Variants in FHIP1A observed in about 807,000 individuals in gnomAD.
FHIP1A encodes FHF complex subunit HOOK-interacting protein 1A.
Under a neutral mutation model 88.6 loss-of-function variants are expected in FHIP1A, and 61 were observed. The observed-to-expected ratio is 0.69, with a 90% confidence interval of 0.56 to 0.85. The LOEUF (loss-of-function observed/expected upper bound fraction) is 0.85. Among genes scored for constraint, FHIP1A ranks in the 40% least tolerant of loss-of-function variants. The probability of loss-of-function intolerance (pLI) is 0.00; values close to 1 mark genes in which losing one functional copy is unlikely to be tolerated. For missense variants in FHIP1A, 1,154 were observed against 1,273.5 expected, an observed-to-expected ratio of 0.91 and a Z score of 1.43; for synonymous variants, 478 against 496.0, an observed-to-expected ratio of 0.96 and a Z score of 0.48.
At chr4:151,459,332 A>G (rs1294131577) in intron 2 of FHIP1A, among the ~76,000 whole-genome samples, 2 of 152,226 alleles carry the variant, frequency 1.3e-5, no homozygotes, top group Non-Finnish European at 2.9e-5. Flanking sequence ...TTTTAAATAG[A>G]TACTGAAGGA....
chr4:151,509,512 C>T (rs778865799), intron 3 of FHIP1A, among the ~76,000 whole-genome samples: 1 of 152,128 alleles, frequency 6.6e-6, no homozygotes, highest in Non-Finnish European at 1.5e-5. Context: ...GTACAGACTA[C>T]ATTAGCAGAT....
intron 1 of FHIP1A, among the ~76,000 whole-genome samples, chr4:151,442,212 G>A (rs996257331): frequency 1.3e-5 from 2 of 152,120 alleles, no homozygotes; most frequent in African/African-American, 2.4e-5. Context: ...TGCAGGGGAA[G>A]GCAGGGTGTT....
intron 3 of FHIP1A, among the ~76,000 whole-genome samples, chr4:151,517,678 T>G (rs990737902): frequency 1.3e-5 from 2 of 152,052 alleles, no homozygotes; most frequent in African/African-American, 2.4e-5. Flanking sequence ...CCCCTAAGAT[T>G]ATAATGGACC....
rs543683428 is a variant in FHIP1A, at chr4:151,418,965, T to C, written c.-356+9500T>C. Among the ~76,000 whole-genome samples, 3 of 152,314 alleles carry C rather than the reference T, an allele frequency of 2.0e-5. No homozygotes were observed. The East Asian group carries it at 5.8e-4, about 29-fold the overall frequency. On this transcript the variant is annotated intron_variant, in intron 1 of 13. Coordinates refer to ENST00000435205, the MANE Select transcript of FHIP1A (RefSeq NM_001109977.3). Reference sequence around the variant, plus strand: ...CATAGTCAATTGATTTTCCAAACTATAGCTGTGCTCATGTCACCTATCATG... The same window carrying C: ...CATAGTCAATTGATTTTCCAAACTACAGCTGTGCTCATGTCACCTATCATG...
chr4:151,483,406 G>A (rs1169359694), intron 3 of FHIP1A, among the ~76,000 whole-genome samples: 1 of 152,028 alleles, frequency 6.6e-6, no homozygotes, highest in African/African-American at 2.4e-5. Context: ...TGAAACTAGT[G>A]TATCAAAATC....
intron 1 of FHIP1A, among the ~76,000 whole-genome samples, chr4:151,412,554 TTTTCTTTC>T (rs1239719542): frequency 1.5e-5 from 2 of 132,116 alleles, no homozygotes; most frequent in Admixed American, 7.6e-5. Context: ...GGGCTTTTCT[TTTTCTTTC>T]TTTCTTTCTT....
In FHIP1A at chr4:151,525,687, A is replaced by AT. The variant is rs1731602217; in HGVS notation, c.-122-40451_-122-40450insT. On this transcript the variant is annotated intron_variant, in intron 3 of 13. Coordinates refer to ENST00000435205, the MANE Select transcript of FHIP1A (RefSeq NM_001109977.3). Reference sequence around the variant, plus strand: ...TTTAATCAATTTAATCATTTTAAAAACAATTTAGATCTGTAGTGTTTTCCT... The same window carrying AT: ...TTTAATCAATTTAATCATTTTAAAAATCAATTTAGATCTGTAGTGTTTTCCT... Among the ~76,000 whole-genome samples the AT allele has an allele frequency of 2.6e-5, 4 of 151,924 alleles. No homozygotes were observed. The South Asian group carries it at 6.3e-4, about 24-fold the overall frequency.
Position 151,663,069 on chromosome 4 carries a change from C to A in FHIP1A, c.*315C>A. On this transcript the variant is annotated 3_prime_UTR_variant, in exon 14 of 14. Transcript: ENST00000435205. ...GAGTTACTCTTCTTGCAGCTCAGAT[C>A]ACGTCAAGCAGATATTGGGGTTCAG... 1 of 213,982 alleles carries A rather than the reference C, an allele frequency of 4.7e-6. No homozygotes were observed. The highest frequency in any genetic ancestry group is 9.2e-6 in the Non-Finnish European group (1 of 108,954). 13.3% of individuals were successfully genotyped at this position (213,982 alleles called of 1,614,324 possible). A position where few individuals can be genotyped will look rare whatever the true frequency, so the allele number is the denominator to read the frequency against.
intron 3 of FHIP1A, among the ~76,000 whole-genome samples, chr4:151,522,632 A>G (rs138931791): frequency 0.013 from 1,983 of 152,322 alleles, 49 homozygotes; most frequent in African/African-American, 0.044. Flanking sequence ...CAGAAGAAAA[A>G]CAAAACCCAA....
In FHIP1A at chr4:151,666,555, A is replaced by G. The variant is rs1490112882; in HGVS notation, c.*3801A>G. On this transcript the variant is annotated 3_prime_UTR_variant, in exon 14 of 14. Coordinates refer to ENST00000435205, the MANE Select transcript of FHIP1A (RefSeq NM_001109977.3). ...GTCAGGAAAGCATCCTCTTATGAAC[A>G]GAATCTAGAAACAGGCTACATGAAT... Among the ~76,000 whole-genome samples, 1 of 152,242 alleles carries G rather than the reference A, an allele frequency of 6.6e-6. No individual in the cohort carries two copies. Among genetic ancestry groups the G allele is most frequent in the Non-Finnish European group, 1.5e-5 (1 of 68,042 alleles).
chr4:151,616,444 C>CTTTTTTTTTT (rs763599410), intron 7 of FHIP1A, among the ~76,000 whole-genome samples: 21 of 113,390 alleles, frequency 1.9e-4, no homozygotes, highest in Non-Finnish European at 2.6e-4. Flanking sequence ...TTCTTTCTTT[C>CTTTTTTTTTT]TTTTTTTTTT....
At chr4:151,495,658 T>C (rs1321203752) in intron 3 of FHIP1A, among the ~76,000 whole-genome samples, 2 of 149,364 alleles carry the variant, frequency 1.3e-5, no homozygotes, top group South Asian at 2.1e-4. Context: ...AGTTTCTTTC[T>C]TGTTACCCAG....
At chr4:151,505,873 CA>C (rs1463009238) in intron 3 of FHIP1A, among the ~76,000 whole-genome samples, 25 of 152,166 alleles carry the variant, frequency 1.6e-4, no homozygotes, top group African/African-American at 6.0e-4. Flanking sequence ...TACTTTCCAA[CA>C]GCCAGTTTAC....
chr4:151,533,544 A>G (rs905796415), intron 3 of FHIP1A, among the ~76,000 whole-genome samples: 25 of 152,268 alleles, frequency 1.6e-4, no homozygotes, highest in African/African-American at 5.1e-4. Flanking sequence ...GAGTATGCCT[A>G]TAGAACTGTT....
At chr4:151,458,518 G>T (rs1006721358) in intron 2 of FHIP1A, among the ~76,000 whole-genome samples, 3 of 152,078 alleles carry the variant, frequency 2.0e-5, no homozygotes, top group Non-Finnish European at 4.4e-5. Flanking sequence ...GGGTTTGGGG[G>T]TGGGGGTGTC....
chr4:151,586,570 A>AGG (rs1734221104), intron 5 of FHIP1A, 71 bp from the exon 6 acceptor site: 2 of 1,251,098 alleles, frequency 1.6e-6, no homozygotes, highest in Admixed American at 4.5e-5. Context: ...CATTGGCATC[A>AGG]CCTGTGAGCT....
At chr4:151,550,471 A>G (rs1195199584) in intron 3 of FHIP1A, among the ~76,000 whole-genome samples, 1 of 152,166 alleles carries the variant, frequency 6.6e-6, no homozygotes, top group Non-Finnish European at 1.5e-5. Flanking sequence ...TATGTAGAGT[A>G]AAAGCCAGTT....
At chr4:151,486,964 A>AC (rs1195656645) in intron 3 of FHIP1A, among the ~76,000 whole-genome samples, 38 of 107,334 alleles carry the variant, frequency 3.5e-4, no homozygotes, top group Admixed American at 1.4e-3. Context: ...GCAAAACTCC[A>AC]TTTAAAAAAA....
At chr4:151,435,409 A>G (rs1054223312) in intron 1 of FHIP1A, among the ~76,000 whole-genome samples, 14 of 152,292 alleles carry the variant, frequency 9.2e-5, no homozygotes, top group African/African-American at 2.4e-4. Context: ...AAAATTATCA[A>G]ATAATTAAAG....
Sources: allele counts gnomAD v4.1 joint callset (sites outside exome capture counted in the v4.1 genomes callset), GRCh38; gene constraint gnomAD v4.1.1; transcripts MANE v1.5; gene names NCBI Gene and HGNC (gene_info 2026-07-23, HGNC 2026-07-21).